Variants in CDH12 observed in about 807,000 individuals in gnomAD.
CDH12 encodes the protein cadherin 12, also known as cadherin-12.
In CDH12, 41 loss-of-function variants were observed where a neutral mutation model predicts 74.1. That is an observed-to-expected ratio of 0.55 (90% CI 0.43 to 0.72). The LOEUF (loss-of-function observed/expected upper bound fraction) is 0.72. Ranked by LOEUF, CDH12 falls within the 30% of genes least tolerant of loss-of-function variation. The pLI, the probability that CDH12 is intolerant of heterozygous loss-of-function variation, is 0.00. For synonymous variants in CDH12, 399 were observed against 355.0 expected, an observed-to-expected ratio of 1.12 and a Z score of -1.39; for missense variants, 945 against 977.2, an observed-to-expected ratio of 0.97 and a Z score of 0.44.
At chr5:22,147,053 G>A (rs946016471) in intron 4 of CDH12, among the ~76,000 whole-genome samples, 1 of 152,118 alleles carries the variant, frequency 6.6e-6, no homozygotes, top group Non-Finnish European at 1.5e-5. Flanking sequence ...TGTTCTTATG[G>A]AAATTTAACT....
intron 3 of CDH12, among the ~76,000 whole-genome samples, chr5:22,289,013 T>G (rs995002728): frequency 6.6e-6 from 1 of 151,772 alleles, no homozygotes; most frequent in African/African-American, 2.4e-5. Context: ...ACTCCATCTA[T>G]AAAACAAAAA....
chr5:22,227,288 G>A (rs749270197), intron 3 of CDH12, among the ~76,000 whole-genome samples: 2 of 151,960 alleles, frequency 1.3e-5, no homozygotes, highest in Non-Finnish European at 2.9e-5. Context: ...TATATATAAC[G>A]AAGGAAGTGG....
At chr5:22,704,043 T>C (rs1742855040) in intron 1 of CDH12, among the ~76,000 whole-genome samples, 1 of 152,162 alleles carries the variant, frequency 6.6e-6, no homozygotes, top group Admixed American at 6.6e-5. Context: ...CAAACATTTT[T>C]TGGGGGGTTC....
At chr5:22,252,477 T>G (rs1753169748) in intron 3 of CDH12, among the ~76,000 whole-genome samples, 1 of 152,028 alleles carries the variant, frequency 6.6e-6, no homozygotes, top group African/African-American at 2.4e-5. Flanking sequence ...TTTTTGTTCT[T>G]TATTTTCCTC....
chr5:22,318,990 A>G (rs907629277), intron 3 of CDH12, among the ~76,000 whole-genome samples: 18 of 152,122 alleles, frequency 1.2e-4, no homozygotes, highest in Admixed American at 5.9e-4. Flanking sequence ...AAAGCATAAG[A>G]TTGTTTATGG....
intron 4 of CDH12, among the ~76,000 whole-genome samples, chr5:22,153,097 G>C (rs1747710274): frequency 6.6e-6 from 1 of 151,936 alleles, no homozygotes; most frequent in African/African-American, 2.4e-5. Flanking sequence ...TTACAGGGTG[G>C]TGATTTATTT....
intron 5 of CDH12, among the ~76,000 whole-genome samples, chr5:21,981,736 C>A (rs993674961): frequency 6.6e-6 from 1 of 152,152 alleles, no homozygotes; most frequent in African/African-American, 2.4e-5. Flanking sequence ...AGCTACAGTG[C>A]AGTGGCACAA....
At position 22,716,807 on chromosome 5, in the gene CDH12, T is replaced by G. The variant is rs139256135; in HGVS notation, c.-523+136251A>C. ...TAGGCTAACATGTCTGCTTGTGTAT[T>G]CATTTTTAACAAAAAGTTTTAAAAA... On this transcript the variant is annotated intron_variant, in intron 1 of 14. Coordinates refer to ENST00000382254, the MANE Select transcript of CDH12 (RefSeq NM_004061.5). 2.8e-4 allele frequency among the ~76,000 whole-genome samples: 42 copies of G among 151,992 alleles called. No homozygotes were observed. The East Asian group carries it at 5.1e-3, about 18-fold the overall frequency.
chr5:22,118,990 T>A (rs1561130967), intron 4 of CDH12, among the ~76,000 whole-genome samples: 1 of 152,088 alleles, frequency 6.6e-6, no homozygotes, highest in African/African-American at 2.4e-5. Context: ...ACAGTGAAGA[T>A]GATAAGAAGA....
At chr5:22,445,983 G>A (rs954686540) in intron 2 of CDH12, among the ~76,000 whole-genome samples, 5 of 151,812 alleles carry the variant, frequency 3.3e-5, no homozygotes, top group South Asian at 2.1e-4. Context: ...ATGTCTCTTC[G>A]CCTCCCTCAA....
In CDH12 at chr5:21,854,686, T is replaced by C. The variant is rs749989714; in HGVS notation, c.631A>G (p.Ile211Val). 3.7e-6 allele frequency: 6 copies of C among 1,606,902 alleles called. No individual in the cohort carries two copies. The South Asian group carries it at 4.4e-5, about 12-fold the overall frequency. Reference protein sequence around the residue: ...SILQGQPYFSIDPKTGVIRTA... With the variant: ...SILQGQPYFSVDPKTGVIRTA... ...AAAAATTTACCTGTCTTGGGATCAA[T>C]AGAGAAATAAGGTTGTCCCTGAAGA... is the stretch of plus-strand genomic sequence containing the variant. Residue 211 changes from isoleucine to valine, a missense_variant, in exon 7 of 15, where the codon ATT (isoleucine) becomes GTT (valine). Around this residue, in one of 3 missense-constraint regions of CDH12, gnomAD observed 791 missense variants for 792.8 expected, o/e 1.00. Transcript: ENST00000382254.
chr5:21,809,457 T>C (rs1424236124), intron 9 of CDH12, among the ~76,000 whole-genome samples: 1 of 152,142 alleles, frequency 6.6e-6, no homozygotes, highest in Admixed American at 6.6e-5. Flanking sequence ...AATTATCTTT[T>C]CTAACATGCA....
rs116161603 is a variant in CDH12, at chr5:22,081,749, C to T, written c.-186-2887G>A. 7.3e-3 allele frequency among the ~76,000 whole-genome samples: 1,111 copies of T among 152,244 alleles called. 12 individuals carry two copies. Among genetic ancestry groups the T allele is most frequent in the African/African-American group, 0.026 (1,066 of 41,548 alleles). Reference sequence around the variant, plus strand: ...CATCATCATTGCCGCCAGTCTGGTCCAAATTCTCCTTTTCGCTTAGAAGTC... The same window carrying T: ...CATCATCATTGCCGCCAGTCTGGTCTAAATTCTCCTTTTCGCTTAGAAGTC... On this transcript the variant is annotated intron_variant, in intron 4 of 14. Coordinates refer to ENST00000382254, the MANE Select transcript of CDH12 (RefSeq NM_004061.5).
chr5:22,364,221 T>G (rs1740938291), intron 3 of CDH12, among the ~76,000 whole-genome samples: 1 of 152,154 alleles, frequency 6.6e-6, no homozygotes, highest in Non-Finnish European at 1.5e-5. Context: ...TATTATCAAT[T>G]ATAGGCAAGT....
chr5:22,547,753 TTAAA>T (rs1308177189), intron 1 of CDH12, among the ~76,000 whole-genome samples: 1 of 152,166 alleles, frequency 6.6e-6, no homozygotes, highest in Non-Finnish European at 1.5e-5. Flanking sequence ...TATTTAGTGT[TTAAA>T]TAGGTAAGTG....
At chr5:22,715,003 G>T (rs443520) in intron 1 of CDH12, among the ~76,000 whole-genome samples, 41,370 of 152,000 alleles carry the variant, frequency 0.27, 5,745 homozygotes, top group South Asian at 0.31. Flanking sequence ...AGGCATAAGA[G>T]AATTGTATTT....
At chr5:22,107,139 T>A (rs2150256049) in intron 4 of CDH12, among the ~76,000 whole-genome samples, 1 of 151,982 alleles carries the variant, frequency 6.6e-6, no homozygotes, top group East Asian at 1.9e-4. Context: ...TCTACTTTTT[T>A]TTTTTTTTTT....
chr5:22,148,849 G>A (rs1401874214), intron 4 of CDH12, among the ~76,000 whole-genome samples: 1 of 152,286 alleles, frequency 6.6e-6, no homozygotes, highest in Admixed American at 6.5e-5. Context: ...GGCTGGGCAT[G>A]GTGGCTCATG....
chr5:22,487,085 C>T (rs1746636162), intron 2 of CDH12, among the ~76,000 whole-genome samples: 1 of 151,826 alleles, frequency 6.6e-6, no homozygotes, highest in Admixed American at 6.6e-5. Context: ...TTGCTGCAAC[C>T]TCTGCCTACT....
Sources: gnomAD v4.1 joint callset for allele counts (sites outside exome capture counted in the v4.1 genomes callset) on GRCh38, gnomAD v4.1.1 for gene constraint, gnomAD v4.1.1 regional missense constraint, MANE v1.5 for transcripts, NCBI Gene and HGNC (gene_info 2026-07-23, HGNC 2026-07-21) for gene names.